Variants in DLGAP2 observed in about 807,000 individuals in gnomAD.
DLGAP2 encodes the protein DLG associated protein 2.
A neutral mutation model predicts 100.3 loss-of-function variants in DLGAP2; 26 were observed. The ratio of observed to expected loss-of-function variants is 0.26; its 90% CI spans 0.19 to 0.36. DLGAP2 has a LOEUF of 0.36. Ranked by LOEUF, DLGAP2 falls within the 10% of genes least tolerant of loss-of-function variation. The pLI, the probability that DLGAP2 is intolerant of heterozygous loss-of-function variation, is 1.00. For synonymous variants in DLGAP2, 886 were observed against 630.1 expected (o/e 1.41, Z -6.08); for missense variants, 1,858 against 1,453.2 (o/e 1.28, Z -4.53).
intron 4 of DLGAP2, among the ~76,000 whole-genome samples, chr8:1,524,847 T>C (rs6986584): frequency 6.6e-6 from 1 of 151,770 alleles, no homozygotes; most frequent in Non-Finnish European, 1.5e-5. Context: ...CGTGGGTTCA[T>C]CATCTTCCCA....
chr8:1,127,508 G>A (rs564910051), intron 2 of DLGAP2, among the ~76,000 whole-genome samples: 1 of 152,264 alleles, frequency 6.6e-6, no homozygotes, highest in East Asian at 2.0e-4. Context: ...GTGGCTCCCA[G>A]GCTCATCATT....
intron 2 of DLGAP2, among the ~76,000 whole-genome samples, chr8:1,094,806 T>C (rs2129042295): frequency 6.6e-6 from 1 of 152,338 alleles, no homozygotes; most frequent in South Asian, 2.1e-4. Context: ...AAGGCTTATA[T>C]TAGGATGTTA....
chr8:1,065,661 G>A (rs543381422), intron 2 of DLGAP2, among the ~76,000 whole-genome samples: 10 of 152,236 alleles, frequency 6.6e-5, no homozygotes, highest in Admixed American at 3.3e-4. Context: ...TTTTATGCTC[G>A]TCTTCCTTCC....
chr8:1,638,073 G>A (rs897913454), intron 8 of DLGAP2, among the ~76,000 whole-genome samples: 1 of 152,180 alleles, frequency 6.6e-6, no homozygotes, highest in African/African-American at 2.4e-5. Flanking sequence ...GACGGATGGG[G>A]GACATGAGCT....
chr8:1,578,247 T>C (rs1803075094), intron 6 of DLGAP2, among the ~76,000 whole-genome samples: 1 of 152,226 alleles, frequency 6.6e-6, no homozygotes, highest in African/African-American at 2.4e-5. Flanking sequence ...CCTCTTGGTG[T>C]ACATGAACAA....
intron 2 of DLGAP2, among the ~76,000 whole-genome samples, chr8:1,118,716 T>G (rs769495534): frequency 1.1e-4 from 16 of 152,152 alleles, no homozygotes; most frequent in Non-Finnish European, 1.9e-4. Flanking sequence ...CCGAAAGAAC[T>G]TGGAGATAAA....
At chr8:1,162,647 G>A (rs1271561466) in intron 2 of DLGAP2, among the ~76,000 whole-genome samples, 2 of 152,232 alleles carry the variant, frequency 1.3e-5, no homozygotes, top group Non-Finnish European at 2.9e-5. Flanking sequence ...AGAAGGTTGA[G>A]TGTTTTCTGG....
intron 3 of DLGAP2, among the ~76,000 whole-genome samples, chr8:1,323,428 C>T (rs187453446): frequency 1.3e-5 from 2 of 152,312 alleles, no homozygotes; most frequent in African/African-American, 4.8e-5. Context: ...CTGGGTGGCC[C>T]CGGTAGTAAG....
At chr8:1,509,328 C>T (rs13253945) in intron 4 of DLGAP2, among the ~76,000 whole-genome samples, 75,591 of 137,694 alleles carry the variant, frequency 0.55, 19,830 homozygotes, top group South Asian at 0.7. Flanking sequence ...AGACTCCGTC[C>T]AAAAAAAAAA....
intron 1 of DLGAP2, among the ~76,000 whole-genome samples, chr8:861,703 C>T (rs930156563): frequency 1.3e-5 from 2 of 152,234 alleles, no homozygotes; most frequent in South Asian, 2.1e-4. Context: ...TTAGCTATGG[C>T]GGTTGCAAAC....
chr8:1,651,560 G>A (rs1349812327), intron 8 of DLGAP2, among the ~76,000 whole-genome samples: 1 of 152,142 alleles, frequency 6.6e-6, no homozygotes, highest in African/African-American at 2.4e-5. Context: ...GGCGGCTGGG[G>A]CGTCCATCCC....
intron 2 of DLGAP2, among the ~76,000 whole-genome samples, chr8:1,221,311 G>A (rs979788155): frequency 7.9e-5 from 12 of 152,274 alleles, no homozygotes; most frequent in African/African-American, 2.2e-4. Context: ...AATTATCTTA[G>A]CATTTGTTTG....
chr8:1,517,686 T>A (rs137893359), intron 4 of DLGAP2, among the ~76,000 whole-genome samples: 1 of 152,236 alleles, frequency 6.6e-6, no homozygotes, highest in South Asian at 2.1e-4. Flanking sequence ...AGGAGAGCCC[T>A]GCCTGTGGCA....
At chr8:1,632,705 A>C in intron 7 of DLGAP2, 122 bp from the exon 8 acceptor site, 2 of 906,076 alleles carry the variant, frequency 2.2e-6, no homozygotes, top group Non-Finnish European at 3.3e-6. Flanking sequence ...CTTCAGGTTA[A>C]CTGTGCTGAA....
At chr8:1,550,359 G>C (rs1801721660) in intron 5 of DLGAP2, among the ~76,000 whole-genome samples, 1 of 152,184 alleles carries the variant, frequency 6.6e-6, no homozygotes, top group South Asian at 2.1e-4. Flanking sequence ...CGTGAGTCTG[G>C]CCTGCTCTGG....
chr8:820,889 G>C (rs553041034), intron 1 of DLGAP2, among the ~76,000 whole-genome samples: 1 of 152,192 alleles, frequency 6.6e-6, no homozygotes, highest in African/African-American at 2.4e-5. Context: ...TGTCTGTACC[G>C]ATATGGAGAA....
chr8:1,218,694 G>A (rs1359211831), intron 2 of DLGAP2, among the ~76,000 whole-genome samples: 7 of 152,058 alleles, frequency 4.6e-5, no homozygotes, highest in Non-Finnish European at 1.0e-4. Flanking sequence ...GATAGGAATA[G>A]CATTGAATCT....
rs140254141 is a variant in DLGAP2 at position 1,352,668 on chromosome 8, G to A, written c.106+93785G>A. ...AAGACTCGAACCCTGACTGGGGCGT[G>A]GCTGGCCTTGTCCACGTTCCTTCTT... is the stretch of plus-strand genomic sequence containing the variant. On this transcript the variant is annotated intron_variant, in intron 3 of 14. Transcript: ENST00000637795. 1.6e-3 allele frequency among the ~76,000 whole-genome samples: 239 copies of A among 152,310 alleles called. 2 individuals are homozygous for A. Among genetic ancestry groups the A allele is most frequent in the African/African-American group, 5.5e-3 (228 of 41,572 alleles).
intron 3 of DLGAP2, among the ~76,000 whole-genome samples, chr8:1,292,848 C>G (rs1412282922): frequency 6.6e-6 from 1 of 152,114 alleles, no homozygotes; most frequent in Non-Finnish European, 1.5e-5. Flanking sequence ...TCCACACATC[C>G]CAAGCCTACG....
Sources: allele counts gnomAD v4.1 joint callset (sites outside exome capture counted in the v4.1 genomes callset), GRCh38; gene constraint gnomAD v4.1.1; transcripts MANE v1.5; gene names NCBI Gene and HGNC (gene_info 2026-07-23, HGNC 2026-07-21).